DMD: variants seen among roughly 807,000 people sequenced by gnomAD.
DMD encodes dystrophin, also known as mutant dystrophin.
Under a neutral mutation model 330.1 loss-of-function variants are expected in DMD, and 63 were observed. That is an observed-to-expected ratio of 0.19 (90% CI 0.16 to 0.24). DMD has a LOEUF of 0.24. DMD is among the 10% of genes least tolerant of loss of function. The pLI, the probability that DMD is intolerant of heterozygous loss-of-function variation, is 1.00. For synonymous variants in DMD, 1,223 were observed against 959.8 expected (o/e 1.27, Z -5.07); for missense variants, 3,344 against 2,684.1 (o/e 1.25, Z -5.43).
intron 2 of DMD, among the ~76,000 whole-genome samples, chrX:32,856,804 G>A (rs750592983): frequency 2.7e-5 from 3 of 111,779 alleles, no homozygotes; most frequent in Non-Finnish European, 5.6e-5. Context: ...GGCCAGGCAC[G>A]GTGGCTCACG....
intron 46 of DMD, among the ~76,000 whole-genome samples, chrX:31,930,597 C>T (rs956464005): frequency 9.0e-6 from 1 of 111,716 alleles, no homozygotes; most frequent in Admixed American, 9.5e-5. Context: ...AATAAAATCT[C>T]AAGTTCCTCA....
intron 50 of DMD, among the ~76,000 whole-genome samples, chrX:31,799,930 T>TACA (rs1214216518): frequency 8.9e-6 from 1 of 112,744 alleles, no homozygotes; most frequent in Non-Finnish European, 1.9e-5. Flanking sequence ...CTCCTTTGAC[T>TACA]ACATGTCTCA....
intron 21 of DMD, among the ~76,000 whole-genome samples, chrX:32,477,708 G>A (rs1409710220): frequency 9.2e-6 from 1 of 108,194 alleles, no homozygotes; most frequent in African/African-American, 3.5e-5. Context: ...CAGAGCAATC[G>A]GTTATATATA....
At chrX:32,990,640 T>C (rs2147299202) in intron 2 of DMD, among the ~76,000 whole-genome samples, 1 of 111,722 alleles carries the variant, frequency 9.0e-6, no homozygotes, top group Non-Finnish European at 1.9e-5. Flanking sequence ...TAACATGAAA[T>C]GGTTCATAAC....
intron 11 of DMD, among the ~76,000 whole-genome samples, chrX:32,618,531 G>A (rs182897533): frequency 9.0e-6 from 1 of 110,889 alleles, no homozygotes; most frequent in Non-Finnish European, 1.9e-5. Flanking sequence ...GTGGCAGAAG[G>A]AAAGAATTAG....
Position 32,540,911 on chromosome X carries a change from G to A in DMD, c.2168+4248C>T, listed in dbSNP as rs142433503. 7.3e-3 allele frequency among the ~76,000 whole-genome samples: 812 copies of A among 111,232 alleles called. 19 individuals carry two copies. The highest frequency in any genetic ancestry group is 0.059 in the Admixed American group (614 of 10,421). ...GAGGTATCTGGATTTATGGGAATTC[G>A]CATGTCTGGAGAGACATCAAAAAGC... On this transcript the variant is annotated intron_variant, in intron 17 of 78. Coordinates refer to ENST00000357033, the MANE Select transcript of DMD (RefSeq NM_004006.3).
intron 30 of DMD, among the ~76,000 whole-genome samples, chrX:32,395,217 C>T (rs1377809061): frequency 3.6e-5 from 4 of 111,515 alleles, no homozygotes; most frequent in African/African-American, 6.5e-5. Flanking sequence ...TAATCTTATT[C>T]GTATGTTGAT....
chrX:33,323,329 G>A (rs2054042195), intron 1 of DMD, among the ~76,000 whole-genome samples: 1 of 111,828 alleles, frequency 8.9e-6, no homozygotes, highest in South Asian at 3.7e-4. Context: ...ATTTGTGAAA[G>A]CATCACACAT....
chrX:32,459,631 C>T (rs2098375955), intron 25 of DMD, among the ~76,000 whole-genome samples: 1 of 110,940 alleles, frequency 9.0e-6, no homozygotes, highest in Non-Finnish European at 1.9e-5. Context: ...TCTCTTAGTA[C>T]CCACTCTTTC....
rs150030674 is a variant in DMD at position 31,270,065 on chromosome X, C to A, written c.9225-9049G>T. ...CTACTGATCTCTGGCCTGGCAGCTG[C>A]TGAGTTCCTTGACCTGCAGCCACAA... On this transcript the variant is annotated intron_variant, in intron 62 of 78. Coordinates refer to ENST00000357033, the MANE Select transcript of DMD (RefSeq NM_004006.3). Among the ~76,000 whole-genome samples the A allele has an allele frequency of 2.5e-4, 28 of 111,876 alleles. No individual in the cohort carries two copies. The East Asian group carries it at 7.3e-3, about 29-fold the overall frequency.
chrX:31,403,248 CT>C (rs1207666056), intron 60 of DMD, among the ~76,000 whole-genome samples: 1 of 111,834 alleles, frequency 8.9e-6, no homozygotes, highest in Non-Finnish European at 1.9e-5. Flanking sequence ...TTTTAACACG[CT>C]TTGTCTATAC....
At position 31,121,714 on chromosome X, in the gene DMD, TATA is replaced by T; in HGVS notation, c.*202_*204del. 1.8e-6 allele frequency: 1 copy of T among 562,687 alleles called. No individual in the cohort carries two copies. The allele number at this position is 562,687 out of a possible 1,213,427, so 46.4% of individuals were successfully genotyped here. A position where few individuals can be genotyped will look rare whatever the true frequency, so the allele number is the denominator to read the frequency against. On this transcript the variant is annotated 3_prime_UTR_variant, in exon 79 of 79. Coordinates refer to ENST00000357033, the MANE Select transcript of DMD (RefSeq NM_004006.3). ...ACTTAGAAACTACTGAAATCTACAGTATAATACCACTACCCTTCACAAAAATAT... is the reference window on the plus strand; with the variant it reads ...ACTTAGAAACTACTGAAATCTACAGTATACCACTACCCTTCACAAAAATAT...
chrX:31,657,155 C>T (rs2080829795), intron 54 of DMD, among the ~76,000 whole-genome samples: 1 of 111,265 alleles, frequency 9.0e-6, no homozygotes, highest in Non-Finnish European at 1.9e-5. Flanking sequence ...TTATTTTTCA[C>T]CGTGGTCTTC....
intron 21 of DMD, among the ~76,000 whole-genome samples, chrX:32,479,740 T>G (rs765228363): frequency 9.1e-6 from 1 of 110,219 alleles, no homozygotes; most frequent in African/African-American, 3.3e-5. Context: ...TATATCAGTA[T>G]ATATAAATCA....
At chrX:31,257,142 A>T (rs752294268) in intron 63 of DMD, among the ~76,000 whole-genome samples, 1 of 102,555 alleles carries the variant, frequency 9.8e-6, no homozygotes, top group South Asian at 4.5e-4. Context: ...CATGTGTTGA[A>T]CAGGCTGCTT....
intron 52 of DMD, among the ~76,000 whole-genome samples, chrX:31,683,054 G>A (rs775542738): frequency 2.7e-5 from 3 of 112,341 alleles, no homozygotes; most frequent in African/African-American, 9.7e-5. Context: ...GTGGTCATAT[G>A]TGTGTTATGT....
intron 44 of DMD, among the ~76,000 whole-genome samples, chrX:31,999,131 T>C (rs911508203): frequency 8.9e-6 from 1 of 112,341 alleles, no homozygotes; most frequent in Non-Finnish European, 1.9e-5. Context: ...GATTCTTTGA[T>C]GTTCATCTTT....
chrX:32,200,207 C>T (rs2097027957), intron 44 of DMD, among the ~76,000 whole-genome samples: 1 of 110,503 alleles, frequency 9.0e-6, no homozygotes. Context: ...GTCCTTTTTC[C>T]TCCGCTCCCT....
intron 44 of DMD, among the ~76,000 whole-genome samples, chrX:31,980,453 A>G (rs2095469076): frequency 8.9e-6 from 1 of 112,236 alleles, no homozygotes; most frequent in South Asian, 3.6e-4. Flanking sequence ...TCATTTATAC[A>G]AATTTTTAAA....
Sources: gnomAD v4.1 joint callset for allele counts (sites outside exome capture counted in the v4.1 genomes callset) on GRCh38, gnomAD v4.1.1 for gene constraint, MANE v1.5 for transcripts, NCBI Gene and HGNC (gene_info 2026-07-23, HGNC 2026-07-21) for gene names.